Variants in FAT4 observed in about 807,000 individuals in gnomAD.
FAT4 encodes the protein FAT atypical cadherin 4.
FAT4 carries 84 observed loss-of-function variants against 303.9 expected under a neutral mutation model. The ratio of observed to expected loss-of-function variants is 0.28; its 90% CI spans 0.23 to 0.33. The LOEUF is 0.33. FAT4 is among the 10% of genes least tolerant of loss of function. The pLI is 1.00. For missense variants in FAT4, 6,005 were observed against 6,146.8 expected, an observed-to-expected ratio of 0.98 and a Z score of 0.77; for synonymous variants, 2,307 against 2,298.8, an observed-to-expected ratio of 1.00 and a Z score of -0.10.
intron 2 of FAT4, among the ~76,000 whole-genome samples, chr4:125,330,527 T>A (rs1731341376): frequency 6.6e-6 from 1 of 152,268 alleles, no homozygotes; most frequent in Non-Finnish European, 1.5e-5. Flanking sequence ...GTGTGAGTGA[T>A]ATAATTTATT....
In FAT4 at chr4:125,320,301, C is replaced by T. The variant is rs1025986676; in HGVS notation, c.3890C>T (p.Ser1297Leu). Residue 1297 changes from serine to leucine, a missense_variant, in exon 2 of 18, where the codon TCA becomes TTA. Coordinates refer to ENST00000394329, the MANE Select transcript of FAT4 (RefSeq NM_001291303.3). ...AVDSGTIPLN[S>L]TCTLNIDILD... The stretch of plus-strand genomic sequence containing the variant: ...GATTCAGGGACAATCCCCCTCAATT[C>T]AACGTGTACTTTAAATATTGATATT... 6.2e-7 allele frequency: 1 copy of T among 1,613,282 alleles called. No homozygotes were observed. Among genetic ancestry groups the T allele is most frequent in the African/African-American group, 1.3e-5 (1 of 74,904 alleles).
At chr4:125,325,532 C>A (rs938257599) in intron 2 of FAT4, among the ~76,000 whole-genome samples, 1 of 152,106 alleles carries the variant, frequency 6.6e-6, no homozygotes, top group Non-Finnish European at 1.5e-5. Flanking sequence ...GAGTAAAAAT[C>A]GTATTCCACA....
chr4:125,451,122 T>G lies in FAT4; in HGVS notation c.10112T>G (p.Val3371Gly). 6.2e-7 allele frequency: 1 copy of G among 1,613,962 alleles called. No individual in the cohort carries two copies. Among genetic ancestry groups the G allele is most frequent in the Non-Finnish European group, 8.5e-7 (1 of 1,179,972 alleles). Reference sequence around the variant, plus strand: ...CTTGATCGAGAAAAAGAAGAAAGGGTGTCTTTGAAGGTATTGGCCAAGAAC... The same window carrying G: ...CTTGATCGAGAAAAAGAAGAAAGGGGGTCTTTGAAGGTATTGGCCAAGAAC... ...GILDREKEERVSLKVLAKNFG... is the reference protein window; with the variant it reads ...GILDREKEERGSLKVLAKNFG... The change falls in exon 10 of 18, where the codon GTG becomes GGG. Residue 3371 changes from valine (V) to glycine (G), a missense_variant. By Grantham distance (109) the Val-to-Gly change is moderately radical. Coordinates refer to ENST00000394329, the MANE Select transcript of FAT4 (RefSeq NM_001291303.3).
At position 125,473,845 on chromosome 4, in the gene FAT4, G is replaced by GA. The variant is rs539310324; in HGVS notation, c.12214-2319dup. Among the ~76,000 whole-genome samples, 62 of 151,976 alleles carry GA rather than the reference G, an allele frequency of 4.1e-4. No individual in the cohort carries two copies. The South Asian group carries it at 8.9e-3, about 22-fold the overall frequency. On this transcript the variant is annotated intron_variant, in intron 12 of 17. Coordinates refer to ENST00000394329, the MANE Select transcript of FAT4 (RefSeq NM_001291303.3). ...ATCAATTTTTAATAATACCAAATGT[G>GA]AAAAAAACTCTGTCATTATTACTTG...
rs553008566 is a variant in FAT4, at chr4:125,437,416, T to C, written c.7199+2991T>C. ...GACAGAATGAATTATTTGCATGCAT[T>C]GCAAAAGGATGGAAAGCTATATACA... On this transcript the variant is annotated intron_variant, in intron 8 of 17. Coordinates refer to ENST00000394329, the MANE Select transcript of FAT4 (RefSeq NM_001291303.3). 4.6e-5 allele frequency among the ~76,000 whole-genome samples: 7 copies of C among 152,290 alleles called. No homozygotes were observed. The South Asian group carries it at 1.5e-3, about 32-fold the overall frequency.
intron 7 of FAT4, among the ~76,000 whole-genome samples, chr4:125,421,066 G>A (rs953523718): frequency 2.0e-5 from 3 of 152,296 alleles, no homozygotes; most frequent in Admixed American, 2.0e-4. Context: ...AAGTAACTGG[G>A]ACTACAGGCA....
At chr4:125,389,917 A>G (rs1312733596) in intron 2 of FAT4, among the ~76,000 whole-genome samples, 1 of 152,164 alleles carries the variant, frequency 6.6e-6, no homozygotes, top group South Asian at 2.1e-4. Context: ...GGGCTTTCTC[A>G]TAACTGAAAT....
rs374041907 is a variant in FAT4, at chr4:125,451,892, A to G, written c.10882A>G (p.Asn3628Asp). 6.2e-7 allele frequency: 1 copy of G among 1,614,078 alleles called. No homozygotes were observed. The highest frequency in any genetic ancestry group is 1.3e-5 in the African/African-American group (1 of 75,040). Residue 3628 changes from asparagine to aspartate, a missense_variant, in exon 10 of 18, where the codon AAC becomes GAC. By Grantham distance (23) the Asn-to-Asp change is conservative. Transcript: ENST00000394329. ...GGAGATATTTGTTAATTATTATGGTAACTTGTTTCCCGGTGGGATTTTAGG... is the reference window on the plus strand; with the variant it reads ...GGAGATATTTGTTAATTATTATGGTGACTTGTTTCCCGGTGGGATTTTAGG... ...TVEIFVNYYG[N>D]LFPGGILGSV...
chr4:125,385,737 A>G (rs967675769), intron 2 of FAT4, among the ~76,000 whole-genome samples: 1 of 152,082 alleles, frequency 6.6e-6, no homozygotes, highest in African/African-American at 2.4e-5. Context: ...CAAATCTTTC[A>G]TAAGTGTACA....
At chr4:125,431,288 T>C (rs1347158567) in intron 7 of FAT4, among the ~76,000 whole-genome samples, 1 of 152,178 alleles carries the variant, frequency 6.6e-6, no homozygotes, top group Non-Finnish European at 1.5e-5. Flanking sequence ...TCACTGTAAG[T>C]CTTAAAATAC....
chr4:125,443,329 A>G (rs1000709371), intron 8 of FAT4, among the ~76,000 whole-genome samples: 4 of 152,152 alleles, frequency 2.6e-5, no homozygotes, highest in Non-Finnish European at 5.9e-5. Flanking sequence ...CTAAATGTGA[A>G]CAAATTCTAT....
At position 125,315,257 on chromosome 4, in the gene FAT4, C is replaced by CA. The variant is rs996286067; in HGVS notation, c.-732dup. Among the ~76,000 whole-genome samples the CA allele has an allele frequency of 3.3e-5, 5 of 152,108 alleles. No homozygotes were observed. Reference sequence around the variant, plus strand: ...TCCGGAGCTGCGGAGGGCGTCACTACAGCCCAGCGCCGACTTCGCCGCCTC... The same window carrying CA: ...TCCGGAGCTGCGGAGGGCGTCACTACAAGCCCAGCGCCGACTTCGCCGCCTC... On this transcript the variant is annotated 5_prime_UTR_variant, in exon 1 of 18. An upstream open reading frame in the 5' UTR loses its in-frame stop. Coordinates refer to ENST00000394329, the MANE Select transcript of FAT4 (RefSeq NM_001291303.3).
intron 7 of FAT4, among the ~76,000 whole-genome samples, chr4:125,427,981 AC>A (rs1420199328): frequency 6.6e-6 from 1 of 152,098 alleles, no homozygotes; most frequent in African/African-American, 2.4e-5. Context: ...GTGACCTGAA[AC>A]TTTTTTCTTT....
intron 17 of FAT4, among the ~76,000 whole-genome samples, chr4:125,488,154 A>T (rs1318086112): frequency 2.0e-5 from 3 of 152,250 alleles, no homozygotes; most frequent in Admixed American, 2.0e-4. Context: ...GAGGAGGATG[A>T]AAGTGTACGA....
At chr4:125,348,786 G>A (rs1413271393) in intron 2 of FAT4, among the ~76,000 whole-genome samples, 1 of 151,648 alleles carries the variant, frequency 6.6e-6, no homozygotes, top group Non-Finnish European at 1.5e-5. Context: ...CTAAAAGGGT[G>A]TGCTGAGTTT....
At chr4:125,372,133 G>A (rs553537715) in intron 2 of FAT4, among the ~76,000 whole-genome samples, 1 of 152,118 alleles carries the variant, frequency 6.6e-6, no homozygotes, top group South Asian at 2.1e-4. Flanking sequence ...GGTTGCATGT[G>A]CTTAGGAGTT....
Position 125,317,411 on chromosome 4 carries a change from A to G in FAT4, c.1000A>G (p.Thr334Ala), listed in dbSNP as rs1480204712. 3 of 1,613,494 alleles carry G rather than the reference A, an allele frequency of 1.9e-6. No individual in the cohort carries two copies. Among genetic ancestry groups the G allele is most frequent in the Non-Finnish European group, 2.5e-6 (3 of 1,180,036 alleles). Residue 334 changes from threonine (T) to alanine (A), a missense_variant, in exon 2 of 18, where the codon ACT becomes GCT. Transcript: ENST00000394329. The surrounding 1 kb of genome is among the most constrained non-coding windows in gnomAD (Gnocchi z 7.0). ...QAMDRGVPSL[T>A]GRAEALIQLL... is the part of the protein sequence containing the mutation. ...GATGGACAGAGGCGTGCCTTCCCTC[A>G]CTGGGCGCGCCGAGGCGCTGATTCA...
At position 125,317,833 on chromosome 4, in the gene FAT4, C is replaced by G. The variant is rs1192408112; in HGVS notation, c.1422C>G (p.Val474=). Residue 474 remains valine (V), a synonymous_variant, in exon 2 of 18, where the codon GTC becomes GTG. Coordinates refer to ENST00000394329, the MANE Select transcript of FAT4 (RefSeq NM_001291303.3). This position sits in a 1 kb window ranked among gnomAD's most constrained non-coding sequence, Gnocchi z 7.0. ...FVNDINDHPP[V]FSQQVYRVNL... is the part of the protein sequence containing the mutation. ...ATGACATCAATGACCATCCTCCTGT[C>G]TTTTCACAGCAAGTGTACAGAGTGA... 1 of 1,614,206 alleles carries G rather than the reference C, an allele frequency of 6.2e-7. No homozygotes were observed. The highest frequency in any genetic ancestry group is 1.1e-5 in the South Asian group (1 of 91,084).
chr4:125,428,879 C>A (rs1725188701), intron 7 of FAT4, among the ~76,000 whole-genome samples: 1 of 152,064 alleles, frequency 6.6e-6, no homozygotes, highest in South Asian at 2.1e-4. Context: ...ATATTTTACC[C>A]CTTTCATTGG....
Sources: allele counts gnomAD v4.1 joint callset (sites outside exome capture counted in the v4.1 genomes callset), GRCh38; gene constraint gnomAD v4.1.1; non-coding constraint Gnocchi (gnomAD v3.1); transcripts MANE v1.5; gene names NCBI Gene and HGNC (gene_info 2026-07-23, HGNC 2026-07-21).